The following ZNF37A variants were observed in gnomAD, a reference collection of about 807,000 sequenced individuals.
ZNF37A encodes the protein zinc finger protein 37A, also known as zinc finger protein 37a (KOX 21).
Under a neutral mutation model 12.3 loss-of-function variants are expected in ZNF37A, and 10 were observed. The observed-to-expected ratio is 0.82, with a 90% CI of 0.50 to 1.38. The LOEUF is 1.38. Among genes scored for constraint, ZNF37A ranks in the 40% most tolerant of loss-of-function variants. The pLI is 0.00. For synonymous variants in ZNF37A, 207 were observed against 223.0 expected, an observed-to-expected ratio of 0.93 and a Z score of 0.64; for missense variants, 580 against 651.2, an observed-to-expected ratio of 0.89 and a Z score of 1.19.
In ZNF37A at chr10:38,106,847, G is replaced by A. The variant is rs536857577; in HGVS notation, c.16-7908G>A. Among the ~76,000 whole-genome samples the A allele has an allele frequency of 8.5e-5, 13 of 152,166 alleles. No individual in the cohort carries two copies. The South Asian group carries it at 1.9e-3, about 22-fold the overall frequency. ...AACGAACAAAGCCTCCAAGAAATAC[G>A]GGACTATGTGAAAAGACCAAATCTG... On this transcript the variant is annotated intron_variant, in intron 5 of 7. Coordinates refer to ENST00000685332, the MANE Select transcript of ZNF37A (RefSeq NM_001324250.3).
At chr10:38,144,470 A>G (rs2070227027) in intron 7 of ZNF37A, 1 of 152,212 alleles carries the variant, frequency 6.6e-6, no homozygotes, top group Admixed American at 6.5e-5. Flanking sequence ...ACAATTATAA[A>G]ATATATATTT....
chr10:38,148,776 A>G (rs1222912759), exon 8 of ZNF37A: 1 of 152,050 alleles, frequency 6.6e-6, no homozygotes, highest in Non-Finnish European at 1.5e-5. Context: ...ATGGCCATCA[A>G]TAGGTCTGCT....
chr10:38,132,343 T>C (rs1190799345), intron 7 of ZNF37A, among the ~76,000 whole-genome samples: 1 of 152,170 alleles, frequency 6.6e-6, no homozygotes, highest in African/African-American at 2.4e-5. Flanking sequence ...CTTTTCTGTA[T>C]CAACTGAAAC....
chr10:38,111,978 T>C (rs2068710494), intron 5 of ZNF37A, among the ~76,000 whole-genome samples: 1 of 151,444 alleles, frequency 6.6e-6, no homozygotes, highest in Admixed American at 6.6e-5. Flanking sequence ...TGGCGCGATC[T>C]CGGCCCACTG....
At position 38,118,280 on chromosome 10, in the gene ZNF37A, C is replaced by A. The variant is rs1318583511; in HGVS notation, c.1129C>A (p.His377Asn). ...AGTCCTTACTGTGCATCAGAAAACACACACAGGGGAGAAGCCCTATGAATG... is the reference window on the plus strand; with the variant it reads ...AGTCCTTACTGTGCATCAGAAAACAAACACAGGGGAGAAGCCCTATGAATG... ...KSVLTVHQKT[H>N]TGEKPYECYA... The change falls in exon 8 of 8, where the codon CAC becomes AAC. Residue 377 changes from histidine to asparagine, a missense_variant. Physicochemically the swap from His to Asn is moderately conservative, Grantham distance 68 (BLOSUM62 1). Transcript: ENST00000685332. The A allele has an allele frequency of 1.9e-6, 3 of 1,613,778 alleles. No homozygotes were observed. Among genetic ancestry groups the A allele is most frequent in the Admixed American group, 1.7e-5 (1 of 59,930 alleles).
In ZNF37A at chr10:38,119,028, A is replaced by G. The variant is rs2069527499; in HGVS notation, c.*191A>G. On this transcript the variant is annotated 3_prime_UTR_variant, in exon 8 of 8. Coordinates refer to ENST00000685332, the MANE Select transcript of ZNF37A (RefSeq NM_001324250.3). ...AATTTGGACCATACACTATGTTACA[A>G]AACTAAAAGTGGAAAAAACTTATTG... 1.6e-6 allele frequency: 2 copies of G among 1,273,264 alleles called. No homozygotes were observed. Among genetic ancestry groups the G allele is most frequent in the Admixed American group, 3.7e-5 (1 of 26,786 alleles). The allele number at this position is 1,273,264 out of a possible 1,614,324, so 78.9% of individuals were successfully genotyped here. A position where few individuals can be genotyped will look rare whatever the true frequency, so the allele number is the denominator to read the frequency against.
intron 5 of ZNF37A, among the ~76,000 whole-genome samples, chr10:38,104,545 C>G (rs1342600023): frequency 6.6e-6 from 1 of 151,650 alleles, no homozygotes; most frequent in Non-Finnish European, 1.5e-5. Context: ...TTTCAGCCTA[C>G]CCCCCACATC....
chr10:38,130,188 A>T (rs1427426016), downstream of ZNF37A, among the ~76,000 whole-genome samples: 1 of 152,100 alleles, frequency 6.6e-6, no homozygotes, highest in Non-Finnish European at 1.5e-5. Context: ...TGGCCCATCC[A>T]TGTTTAGCTA....
At chr10:38,105,006 T>TCTTTC (rs981041889) in intron 5 of ZNF37A, among the ~76,000 whole-genome samples, 20 of 150,468 alleles carry the variant, frequency 1.3e-4, no homozygotes, top group Non-Finnish European at 3.0e-4. Flanking sequence ...CAATATTTTT[T>TCTTTC]CTTTTTTTTT....
chr10:38,119,183 T>C lies in ZNF37A; in HGVS notation c.*346T>C. ...TGCATTTTTCTGCTACTACTACAGT[T>C]TCACAGAATACCTGAGAAGACACAC... On this transcript the variant is annotated 3_prime_UTR_variant, in exon 8 of 8. Coordinates refer to ENST00000685332, the MANE Select transcript of ZNF37A (RefSeq NM_001324250.3). The C allele has an allele frequency of 9.7e-7, 1 of 1,029,360 alleles. No individual in the cohort carries two copies. Among genetic ancestry groups the C allele is most frequent in the Non-Finnish European group, 1.2e-6 (1 of 850,040 alleles). The allele number at this position is 1,029,360 out of a possible 1,614,324, so 63.8% of individuals were successfully genotyped here.
intron 7 of ZNF37A, chr10:38,141,132 A>G (rs1219230694): frequency 6.6e-6 from 1 of 152,220 alleles, no homozygotes; most frequent in Non-Finnish European, 1.5e-5. Context: ...CCGAATATTT[A>G]CTAATTACCA....
At chr10:38,099,333 A>G (rs1243031117) in intron 5 of ZNF37A, among the ~76,000 whole-genome samples, 1 of 152,094 alleles carries the variant, frequency 6.6e-6, no homozygotes. Context: ...CTGTTCTATG[A>G]GTTTCACTAC....
chr10:38,115,478 T>G (rs1336975810), intron 7 of ZNF37A, 188 bp downstream of exon 7: 2 of 676,910 alleles, frequency 3.0e-6, no homozygotes, highest in East Asian at 6.3e-5. Flanking sequence ...AGTATCACTT[T>G]CATACACACA....
chr10:38,105,570 C>T (rs907576960), intron 5 of ZNF37A, among the ~76,000 whole-genome samples: 1 of 152,138 alleles, frequency 6.6e-6, no homozygotes, highest in Non-Finnish European at 1.5e-5. Flanking sequence ...TATAGGTTGT[C>T]AAGCCACTAC....
chr10:38,149,856 T>G (rs1443244282), exon 8 of ZNF37A: 1 of 152,224 alleles, frequency 6.6e-6, no homozygotes, highest in Non-Finnish European at 1.5e-5. Context: ...ATTACAGGCG[T>G]GAGCCACCGC....
At chr10:38,135,961 T>C (rs2070102129) in intron 7 of ZNF37A, among the ~76,000 whole-genome samples, 2 of 152,194 alleles carry the variant, frequency 1.3e-5, no homozygotes, top group Non-Finnish European at 2.9e-5. Flanking sequence ...CTTCAGTTAC[T>C]GTCTAACTTT....
rs1210828679 is a variant in ZNF37A at position 38,114,870 on chromosome 10, T to A, written c.131T>A (p.Leu44His). Residue 44 changes from leucine (L) to histidine (H), a missense_variant, in exon 6 of 8, where the codon CTT (leucine) becomes CAT (histidine). Leu to His is a moderately conservative substitution (Grantham distance 99). Coordinates refer to ENST00000685332, the MANE Select transcript of ZNF37A (RefSeq NM_001324250.3). Reference protein sequence around the residue: ...RDVMLENYSHLVSVGYCIPKP... With the variant: ...RDVMLENYSHHVSVGYCIPKP... ...GTGATGCTGGAGAACTACAGCCACC[T>A]TGTCTCAGTAGGTAGGTAGGAATTG... 2 of 1,612,232 alleles carry A rather than the reference T, an allele frequency of 1.2e-6. No individual in the cohort carries two copies. Among genetic ancestry groups the A allele is most frequent in the African/African-American group, 2.7e-5 (2 of 74,834 alleles).
At position 38,117,978 on chromosome 10, in the gene ZNF37A, G is replaced by C. The variant is rs1440853521; in HGVS notation, c.827G>C (p.Cys276Ser). The C allele has an allele frequency of 5.0e-6, 8 of 1,613,850 alleles. No homozygotes were observed. Among genetic ancestry groups the C allele is most frequent in the Non-Finnish European group, 5.1e-6 (6 of 1,180,006 alleles). Residue 276 changes from cysteine to serine, a missense_variant, in exon 8 of 8, where the codon TGT (cysteine) becomes TCT (serine). Transcript: ENST00000685332. ...GAAAAACCTTATGAATGTCATGAAT[G>C]TGGAAAAACCTTCACCCAGAAGTCA... ...TGEKPYECHE[C>S]GKTFTQKSAH...
At chr10:38,104,198 C>T (rs535787508) in intron 5 of ZNF37A, among the ~76,000 whole-genome samples, 1 of 152,228 alleles carries the variant, frequency 6.6e-6, no homozygotes, top group East Asian at 1.9e-4. Flanking sequence ...AGATAATTGC[C>T]TTTAAATGCT....
Sources: gnomAD v4.1 joint callset for allele counts (sites outside exome capture counted in the v4.1 genomes callset) on GRCh38, gnomAD v4.1.1 for gene constraint, MANE v1.5 for transcripts, NCBI Gene and HGNC (gene_info 2026-07-23, HGNC 2026-07-21) for gene names.